Variants in GALNTL6 observed in about 807,000 individuals in gnomAD.
GALNTL6 encodes polypeptide N-acetylgalactosaminyltransferase like 6.
A neutral mutation model predicts 73.7 loss-of-function variants in GALNTL6; 46 were observed. That is an observed-to-expected ratio of 0.62 (90% CI 0.49 to 0.80). The LOEUF is 0.80. Among genes scored for constraint, GALNTL6 ranks in the 30% least tolerant of loss-of-function variants. The probability of loss-of-function intolerance (pLI) is 0.00; values close to 1 mark genes in which losing one functional copy is unlikely to be tolerated. For synonymous variants in GALNTL6, 259 were observed against 263.7 expected (o/e 0.98, Z 0.17); for missense variants, 604 against 755.0 (o/e 0.80, Z 2.34).
At chr4:172,373,182 C>T (rs901100814) in intron 5 of GALNTL6, among the ~76,000 whole-genome samples, 2 of 152,162 alleles carry the variant, frequency 1.3e-5, no homozygotes, top group Non-Finnish European at 2.9e-5. Context: ...ACCCTTGGGG[C>T]AAGACTGTGC....
chr4:172,719,115 T>C (rs1735292444), intron 5 of GALNTL6, among the ~76,000 whole-genome samples: 1 of 152,222 alleles, frequency 6.6e-6, no homozygotes, highest in African/African-American at 2.4e-5. Context: ...TAATAATGTA[T>C]ACATTTAAGT....
chr4:172,517,577 A>G (rs1208361095), intron 5 of GALNTL6, among the ~76,000 whole-genome samples: 1 of 152,100 alleles, frequency 6.6e-6, no homozygotes, highest in Non-Finnish European at 1.5e-5. Context: ...TGCTTTTACC[A>G]CCAGCTCAAC....
intron 5 of GALNTL6, among the ~76,000 whole-genome samples, chr4:172,426,915 CTTAT>C (rs765717811): frequency 5.8e-5 from 2 of 34,220 alleles, no homozygotes; most frequent in Admixed American, 5.7e-4. Context: ...TGTAAGGACT[CTTAT>C]ATATATATAT....
At chr4:172,869,812 G>A (rs149551159) in intron 7 of GALNTL6, among the ~76,000 whole-genome samples, 3 of 152,008 alleles carry the variant, frequency 2.0e-5, no homozygotes, top group Non-Finnish European at 4.4e-5. Context: ...TCTACCCTCT[G>A]CTCTAGAAAT....
chr4:172,462,785 G>A (rs71644827), intron 5 of GALNTL6, among the ~76,000 whole-genome samples: 19,984 of 152,202 alleles, frequency 0.13, 1,714 homozygotes, highest in Non-Finnish European at 0.2. Context: ...GCGTCTATAA[G>A]ATGAAGGGAA....
intron 7 of GALNTL6, among the ~76,000 whole-genome samples, chr4:172,875,635 A>G (rs1223293243): frequency 6.6e-6 from 1 of 152,062 alleles, no homozygotes; most frequent in Non-Finnish European, 1.5e-5. Flanking sequence ...GATCAGCTCT[A>G]TTCACCAGGC....
chr4:172,695,449 T>G (rs1173737949), intron 5 of GALNTL6, among the ~76,000 whole-genome samples: 1 of 152,228 alleles, frequency 6.6e-6, no homozygotes, highest in Admixed American at 6.5e-5. Context: ...ATGGAAAGGA[T>G]AATAATTTTT....
intron 5 of GALNTL6, among the ~76,000 whole-genome samples, chr4:172,587,598 CAT>C (rs1737463539): frequency 6.6e-6 from 1 of 152,218 alleles, no homozygotes; most frequent in Non-Finnish European, 1.5e-5. Context: ...TACACTCAAA[CAT>C]AAAAGCATTG....
chr4:172,205,136 G>A (rs943390808), intron 2 of GALNTL6, among the ~76,000 whole-genome samples: 3 of 152,130 alleles, frequency 2.0e-5, no homozygotes, highest in Non-Finnish European at 4.4e-5. Context: ...TAGAATTTGA[G>A]CTTTTTAATC....
intron 2 of GALNTL6, among the ~76,000 whole-genome samples, chr4:172,108,284 G>C (rs1274921188): frequency 6.6e-6 from 1 of 152,168 alleles, no homozygotes; most frequent in African/African-American, 2.4e-5. Flanking sequence ...GAGAAGAAAA[G>C]TCTTGCACTA....
intron 5 of GALNTL6, among the ~76,000 whole-genome samples, chr4:172,582,687 T>C (rs1469239040): frequency 6.6e-6 from 1 of 151,924 alleles, no homozygotes; most frequent in Non-Finnish European, 1.5e-5. Context: ...AAGGCATCAC[T>C]AAATTTTGCA....
chr4:172,065,765 G>C (rs1731341571), intron 2 of GALNTL6, among the ~76,000 whole-genome samples: 1 of 152,134 alleles, frequency 6.6e-6, no homozygotes, highest in Non-Finnish European at 1.5e-5. Flanking sequence ...CGCAAGGCTG[G>C]GGAGGTTTCA....
intron 5 of GALNTL6, among the ~76,000 whole-genome samples, chr4:172,690,542 A>G (rs1437101340): frequency 6.6e-6 from 1 of 152,224 alleles, no homozygotes; most frequent in Non-Finnish European, 1.5e-5. Flanking sequence ...TGATGGCCAT[A>G]AAGTGCTATG....
chr4:172,691,089 G>A (rs1401859179), intron 5 of GALNTL6, among the ~76,000 whole-genome samples: 4 of 152,192 alleles, frequency 2.6e-5, no homozygotes, highest in Non-Finnish European at 2.9e-5. Context: ...GAGCACTGGA[G>A]GAGGCAGGAA....
chr4:172,801,265 C>G (rs1056224682), intron 5 of GALNTL6, among the ~76,000 whole-genome samples: 4 of 152,114 alleles, frequency 2.6e-5, no homozygotes, highest in African/African-American at 9.7e-5. Context: ...GTTGTTTAGC[C>G]TATTACCAAA....
intron 5 of GALNTL6, among the ~76,000 whole-genome samples, chr4:172,424,220 AT>A (rs913287539): frequency 5.2e-4 from 79 of 152,132 alleles, no homozygotes; most frequent in African/African-American, 1.8e-3. Context: ...TGATTTTGTT[AT>A]TTTTTAAATT....
intron 2 of GALNTL6, among the ~76,000 whole-genome samples, chr4:171,850,245 T>A (rs2110859223): frequency 6.6e-6 from 1 of 152,262 alleles, no homozygotes; most frequent in South Asian, 2.1e-4. Flanking sequence ...GTGCTGGGAT[T>A]AAAAATTTAA....
chr4:172,438,832 T>C (rs563128918), intron 5 of GALNTL6, among the ~76,000 whole-genome samples: 1 of 152,158 alleles, frequency 6.6e-6, no homozygotes, highest in East Asian at 1.9e-4. Context: ...CACTTACTTT[T>C]AGGTTATAAC....
intron 2 of GALNTL6, among the ~76,000 whole-genome samples, chr4:172,045,846 A>C (rs2110848546): frequency 6.6e-6 from 1 of 151,712 alleles, no homozygotes; most frequent in Non-Finnish European, 1.5e-5. Context: ...TCTTGTCCTC[A>C]TTCCCCTGGT....
Sources: allele counts gnomAD v4.1 joint callset (sites outside exome capture counted in the v4.1 genomes callset), GRCh38; gene constraint gnomAD v4.1.1; transcripts MANE v1.5; gene names NCBI Gene and HGNC (gene_info 2026-07-23, HGNC 2026-07-21).